The following LCMT1 variants were observed in gnomAD, a reference collection of about 807,000 sequenced individuals.
LCMT1 encodes the protein [Phosphatase 2A protein]-leucine-carboxy methyltransferase 1.
LCMT1 carries 32 observed loss-of-function variants against 47.7 expected under a neutral mutation model. That is an observed-to-expected ratio of 0.67 (90% CI 0.51 to 0.90). The LOEUF (loss-of-function observed/expected upper bound fraction) is 0.90. Among genes scored for constraint, LCMT1 ranks in the 40% least tolerant of loss-of-function variants. The probability of loss-of-function intolerance (pLI) is 0.00; values close to 1 mark genes in which losing one functional copy is unlikely to be tolerated. For missense variants in LCMT1, 375 were observed against 415.2 expected (o/e 0.90, Z 0.84); for synonymous variants, 152 against 149.7 (o/e 1.02, Z -0.11).
At position 25,161,111 on chromosome 16, in the gene LCMT1, T is replaced by C; in HGVS notation, c.476T>C (p.Ile159Thr). 6.2e-7 allele frequency: 1 copy of C among 1,603,000 alleles called. No individual in the cohort carries two copies. Among genetic ancestry groups the C allele is most frequent in the Non-Finnish European group, 8.5e-7 (1 of 1,172,398 alleles). Residue 159 changes from isoleucine (I) to threonine (T), a missense_variant, in exon 6 of 11, where the codon ATA becomes ACA. Physicochemically the swap from Ile to Thr is moderately conservative, Grantham distance 89 (BLOSUM62 -1). Coordinates refer to ENST00000399069, the MANE Select transcript of LCMT1 (RefSeq NM_016309.3). ...CTGATTGCATTTGCAGATGGACACA[T>C]ACTGGATTCAAAGAGATATGCCGTT... ...SEDTLQMDGH[I>T]LDSKRYAVIG...
At chr16:25,138,307 G>T (rs1483905027) in intron 3 of LCMT1, among the ~76,000 whole-genome samples, 2 of 152,156 alleles carry the variant, frequency 1.3e-5, no homozygotes, top group Non-Finnish European at 2.9e-5. Flanking sequence ...AGACACCAGA[G>T]GGGGTGCTGG....
chr16:25,159,958 TTTG>T (rs1365189916), intron 5 of LCMT1, among the ~76,000 whole-genome samples: 1 of 82,808 alleles, frequency 1.2e-5, no homozygotes, highest in African/African-American at 4.9e-5. Flanking sequence ...TAAAAAAAAA[TTTG>T]TTAACTTTTT....
intron 5 of LCMT1, among the ~76,000 whole-genome samples, chr16:25,154,420 T>A (rs1244717819): frequency 2.6e-5 from 4 of 152,042 alleles, no homozygotes; most frequent in African/African-American, 9.7e-5. Context: ...TTTTATTTCC[T>A]TTTTCCATTA....
chr16:25,118,789 G>T (rs775616104), intron 1 of LCMT1, among the ~76,000 whole-genome samples: 20 of 152,126 alleles, frequency 1.3e-4, no homozygotes, highest in Non-Finnish European at 2.6e-4. Flanking sequence ...TGTTCCAGGA[G>T]CACCAAGACT....
intron 5 of LCMT1, among the ~76,000 whole-genome samples, chr16:25,153,470 ACACTCC>A (rs1430355268): frequency 7.0e-5 from 10 of 142,140 alleles, no homozygotes; most frequent in African/African-American, 2.6e-4. Flanking sequence ...GACTCAGAAC[ACACTCC>A]CAATCCCAAT....
chr16:25,118,761 G>T (rs182683185), intron 1 of LCMT1, among the ~76,000 whole-genome samples: 54 of 152,240 alleles, frequency 3.5e-4, no homozygotes, highest in African/African-American at 1.2e-3. Context: ...AGGTCCTGAG[G>T]CAGGAGCCGG....
chr16:25,165,360 G>A (rs1385130812), intron 7 of LCMT1, among the ~76,000 whole-genome samples: 1 of 152,162 alleles, frequency 6.6e-6, no homozygotes, highest in Non-Finnish European at 1.5e-5. Context: ...AATAGCTTGG[G>A]TTGAATCCTG....
chr16:25,135,307 A>T (rs1045324933), intron 3 of LCMT1, among the ~76,000 whole-genome samples: 4 of 150,900 alleles, frequency 2.7e-5, no homozygotes, highest in Non-Finnish European at 5.9e-5. Flanking sequence ...ATATATATAT[A>T]TAACATTTGT....
At chr16:25,113,728 C>T (rs539113189) in intron 1 of LCMT1, among the ~76,000 whole-genome samples, 3 of 152,270 alleles carry the variant, frequency 2.0e-5, no homozygotes, top group East Asian at 1.9e-4. Context: ...TTCCACCTGC[C>T]GGGTTCAAGT....
At chr16:25,171,604 A>G (rs1405763497) in intron 9 of LCMT1, among the ~76,000 whole-genome samples, 2 of 152,188 alleles carry the variant, frequency 1.3e-5, no homozygotes, top group Non-Finnish European at 2.9e-5. Context: ...TCCCAGAGCA[A>G]CCTTGGCAGT....
intron 4 of LCMT1, chr16:25,148,693 G>C (rs553307188): frequency 5.9e-5 from 9 of 152,358 alleles, no homozygotes; most frequent in Non-Finnish European, 7.3e-5. Context: ...GCAGAGACCA[G>C]AGGAAAACTT....
chr16:25,112,654 T>G (rs1388875933), intron 1 of LCMT1, among the ~76,000 whole-genome samples: 1 of 152,048 alleles, frequency 6.6e-6, no homozygotes, highest in Non-Finnish European at 1.5e-5. Context: ...CAGTGGTTAG[T>G]AGGAATTCGA....
At chr16:25,133,388 T>G (rs893901630) in intron 3 of LCMT1, among the ~76,000 whole-genome samples, 27 of 64,258 alleles carry the variant, frequency 4.2e-4, no homozygotes, top group African/African-American at 1.7e-3. Context: ...GGCTTAGGTT[T>G]TTTTTTTTTT....
At chr16:25,164,940 A>G (rs1384535758) in intron 7 of LCMT1, among the ~76,000 whole-genome samples, 1 of 152,184 alleles carries the variant, frequency 6.6e-6, no homozygotes, top group Non-Finnish European at 1.5e-5. Context: ...TTTACAAAAG[A>G]TTTTCAAGTT....
intron 10 of LCMT1, among the ~76,000 whole-genome samples, chr16:25,175,795 GATGATGTAC>G (rs1445444783): frequency 1.3e-5 from 2 of 152,090 alleles, no homozygotes; most frequent in African/African-American, 4.8e-5. Flanking sequence ...AGAACTAGAG[GATGATGTAC>G]ATGTATCCGT....
At chr16:25,174,708 G>A (rs1961874621) in intron 9 of LCMT1, 1 of 283,254 alleles carries the variant, frequency 3.5e-6, no homozygotes, top group African/African-American at 2.2e-5. Flanking sequence ...CACTTGAATT[G>A]CAAATATATG....
intron 3 of LCMT1, among the ~76,000 whole-genome samples, chr16:25,137,534 TC>T (rs1292567953): frequency 1.3e-5 from 2 of 151,994 alleles, no homozygotes; most frequent in South Asian, 2.1e-4. Flanking sequence ...AGCCTCCTCC[TC>T]CCAGGCTCAA....
chr16:25,141,270 C>G (rs917332051), intron 4 of LCMT1: 2 of 152,210 alleles, frequency 1.3e-5, no homozygotes, highest in African/African-American at 4.8e-5. Flanking sequence ...TGTAGGTATC[C>G]ACTGATGGAG....
intron 4 of LCMT1, chr16:25,147,129 T>C (rs1302179120): frequency 1.3e-5 from 2 of 152,240 alleles, no homozygotes; most frequent in African/African-American, 4.8e-5. Context: ...AAAGGCAAGA[T>C]TTAGTTTAAC....
Sources: gnomAD v4.1 joint callset for allele counts (sites outside exome capture counted in the v4.1 genomes callset) on GRCh38, gnomAD v4.1.1 for gene constraint, MANE v1.5 for transcripts, NCBI Gene and HGNC (gene_info 2026-07-23, HGNC 2026-07-21) for gene names.